MYCBP2: variants seen among roughly 807,000 people sequenced by gnomAD.
MYCBP2 encodes E3 ubiquitin-protein ligase MYCBP2.
A neutral mutation model predicts 525.3 loss-of-function variants in MYCBP2; 120 were observed. The observed-to-expected ratio is 0.23, with a 90% CI of 0.20 to 0.27. The LOEUF (loss-of-function observed/expected upper bound fraction) is 0.27. MYCBP2 is among the 10% of genes least tolerant of loss of function. MYCBP2 has a pLI of 1.00. For missense variants in MYCBP2, 4,149 were observed against 5,657.1 expected (o/e 0.73, Z 8.55); for synonymous variants, 1,894 against 1,955.8 (o/e 0.97, Z 0.83).
At chr13:77,139,996 G>A (rs759894369) in intron 51 of MYCBP2, 51 bp downstream of exon 51, 4 of 1,275,190 alleles carry the variant, frequency 3.1e-6, no homozygotes, top group Non-Finnish European at 2.2e-6. Context: ...TGCAAACAAT[G>A]CAAAAACTTT....
intron 82 of MYCBP2, among the ~76,000 whole-genome samples, chr13:77,049,905 G>A (rs1036877636): frequency 2.7e-4 from 41 of 152,016 alleles, no homozygotes; most frequent in African/African-American, 9.9e-4. Context: ...CATAGTGCTG[G>A]GATTACAGGT....
intron 1 of MYCBP2, among the ~76,000 whole-genome samples, chr13:77,324,965 T>C (rs1003065228): frequency 6.6e-5 from 10 of 152,246 alleles, no homozygotes; most frequent in Admixed American, 3.9e-4. Flanking sequence ...TCACGTAGTT[T>C]TGTGCTATTT....
intron 52 of MYCBP2, among the ~76,000 whole-genome samples, chr13:77,133,753 G>T (rs557218984): frequency 1.3e-5 from 2 of 152,240 alleles, no homozygotes; most frequent in East Asian, 3.9e-4. Context: ...CCATAACTCT[G>T]AACATTTGAT....
chr13:77,267,321 C>G (rs2154342074), intron 8 of MYCBP2, among the ~76,000 whole-genome samples: 1 of 150,728 alleles, frequency 6.6e-6, no homozygotes, highest in South Asian at 2.1e-4. Flanking sequence ...GCATAAGAAG[C>G]ATAAATGATG....
At chr13:77,311,957 G>C (rs866981718) in intron 1 of MYCBP2, among the ~76,000 whole-genome samples, 1 of 151,972 alleles carries the variant, frequency 6.6e-6, no homozygotes, top group Non-Finnish European at 1.5e-5. Flanking sequence ...AAATTAAGCT[G>C]CTGAAAACCA....
chr13:77,108,983 G>A (rs557086895), intron 55 of MYCBP2, among the ~76,000 whole-genome samples: 1 of 152,266 alleles, frequency 6.6e-6, no homozygotes, highest in South Asian at 2.1e-4. Flanking sequence ...ATGAGCCACT[G>A]TGCCCAGCCA....
chr13:77,281,734 T>A (rs1444027433), intron 3 of MYCBP2, among the ~76,000 whole-genome samples: 1 of 152,200 alleles, frequency 6.6e-6, no homozygotes, highest in Non-Finnish European at 1.5e-5. Flanking sequence ...CAAGGTTTTA[T>A]TTTGCCCTTC....
chr13:77,219,016 A>AT (rs775678425), intron 20 of MYCBP2, among the ~76,000 whole-genome samples: 3 of 151,966 alleles, frequency 2.0e-5, no homozygotes, highest in Non-Finnish European at 2.9e-5. Flanking sequence ...GGCAAGGAAG[A>AT]TTTTTTTTGC....
At position 77,185,113 on chromosome 13, in the gene MYCBP2, C is replaced by T. The variant is rs778493327; in HGVS notation, c.4709G>A (p.Cys1570Tyr). 1 of 1,613,708 alleles carries T rather than the reference C, an allele frequency of 6.2e-7. No homozygotes were observed. The highest frequency in any genetic ancestry group is 1.1e-5 in the South Asian group (1 of 91,048). ...ACAAACTTAAATTACCTGATCCAAA[C>T]AATTCAGCAGATCACAAAGGCAAGC... ...QWACLCDLLN[C>Y]LDQDIQEANF... Residue 1570 changes from cysteine to tyrosine, a missense_variant, in exon 32 of 83, where the codon TGT becomes TAT. Around this residue, in one of 21 missense-constraint regions of MYCBP2, gnomAD observed 292 missense variants for 330.5 expected, o/e 0.88. Transcript: ENST00000544440.
At position 77,181,915 on chromosome 13, in the gene MYCBP2, T is replaced by G; in HGVS notation, c.4727A>C (p.Gln1576Pro). Residue 1576 changes from glutamine (Q) to proline (P), a missense_variant, in exon 33 of 83, where the codon CAA becomes CCA. By Grantham distance (76) the Gln-to-Pro change is moderately conservative. Transcript: ENST00000544440. Reference sequence around the variant, plus strand: ...ACTTGATGTCTTGAAGTTTGCTTCTTGGATATCCTTTTAAAAACAAAAATA... The same window carrying G: ...ACTTGATGTCTTGAAGTTTGCTTCTGGGATATCCTTTTAAAAACAAAAATA... The part of the protein sequence containing the change: ...DLLNCLDQDI[Q>P]EANFKTSSSR... 6.2e-7 allele frequency: 1 copy of G among 1,613,138 alleles called. No individual in the cohort carries two copies. Among genetic ancestry groups the G allele is most frequent in the Non-Finnish European group, 8.5e-7 (1 of 1,179,834 alleles).
At chr13:77,088,699 CTT>C (rs2154116445) in intron 61 of MYCBP2, 131 bp downstream of exon 61, 1 of 679,736 alleles carries the variant, frequency 1.5e-6, no homozygotes, top group Non-Finnish European at 2.4e-6. Flanking sequence ...TATAGGAACA[CTT>C]AATACTTTTA....
intron 38 of MYCBP2, among the ~76,000 whole-genome samples, chr13:77,170,791 C>T (rs1011118160): frequency 6.6e-6 from 1 of 151,788 alleles, no homozygotes. Flanking sequence ...TGCTCAGGCT[C>T]GTCTCAAACT....
At chr13:77,324,709 TATG>T (rs2082086453) in intron 1 of MYCBP2, among the ~76,000 whole-genome samples, 1 of 152,246 alleles carries the variant, frequency 6.6e-6, no homozygotes. Context: ...ACAAATGTTA[TATG>T]ATTAATCTAT....
At chr13:77,238,092 A>C (rs946000839) in intron 17 of MYCBP2, among the ~76,000 whole-genome samples, 1 of 151,956 alleles carries the variant, frequency 6.6e-6, no homozygotes, top group African/African-American at 2.4e-5. Flanking sequence ...AAATACAAAA[A>C]ATTAGCCCGG....
intron 3 of MYCBP2, among the ~76,000 whole-genome samples, chr13:77,287,048 C>T (rs1263584410): frequency 2.0e-5 from 3 of 148,572 alleles, no homozygotes; most frequent in East Asian, 4.1e-4. Flanking sequence ...CCGTGACGGG[C>T]TAAGTTTTTT....
At chr13:77,178,373 A>C (rs1487585039) in intron 34 of MYCBP2, among the ~76,000 whole-genome samples, 1 of 152,204 alleles carries the variant, frequency 6.6e-6, no homozygotes, top group Non-Finnish European at 1.5e-5. Flanking sequence ...GGAAGAGGTA[A>C]ATTTATGGTT....
At chr13:77,183,311 A>C (rs2060392223) in intron 32 of MYCBP2, among the ~76,000 whole-genome samples, 3 of 152,072 alleles carry the variant, frequency 2.0e-5, no homozygotes, top group South Asian at 4.1e-4. Context: ...GGTTGACATT[A>C]TTTCTTTCTT....
chr13:77,208,508 A>T (rs2154278594), intron 23 of MYCBP2, among the ~76,000 whole-genome samples: 1 of 152,332 alleles, frequency 6.6e-6, no homozygotes, highest in South Asian at 2.1e-4. Flanking sequence ...TATATTTGGT[A>T]TACCCAGACT....
At chr13:77,306,847 GAC>G (rs1345439055) in intron 1 of MYCBP2, among the ~76,000 whole-genome samples, 2 of 152,146 alleles carry the variant, frequency 1.3e-5, no homozygotes, top group African/African-American at 2.4e-5. Context: ...GCAACAGAAA[GAC>G]ACCTATATAG....
Sources: allele counts gnomAD v4.1 joint callset (sites outside exome capture counted in the v4.1 genomes callset), GRCh38; gene constraint gnomAD v4.1.1; regional missense constraint gnomAD v4.1.1; transcripts MANE v1.5; gene names NCBI Gene and HGNC (gene_info 2026-07-23, HGNC 2026-07-21).